KCTD16: variants seen among roughly 807,000 people sequenced by gnomAD.
KCTD16 encodes potassium channel tetramerization domain containing 16, also known as BTB/POZ domain-containing protein KCTD16.
A neutral mutation model predicts 33.2 loss-of-function variants in KCTD16; 13 were observed. That is an observed-to-expected ratio of 0.39 (90% confidence interval 0.25 to 0.62). The LOEUF is 0.62. KCTD16 is among the 20% of genes least tolerant of loss of function. The pLI, the probability that KCTD16 is intolerant of heterozygous loss-of-function variation, is 0.50. For synonymous variants in KCTD16, 197 were observed against 195.3 expected, an observed-to-expected ratio of 1.01 and a Z score of -0.07; for missense variants, 441 against 525.1, an observed-to-expected ratio of 0.84 and a Z score of 1.57.
chr5:144,450,450 A>G (rs1753916454), intron 3 of KCTD16, among the ~76,000 whole-genome samples: 1 of 152,110 alleles, frequency 6.6e-6, no homozygotes, highest in African/African-American at 2.4e-5. Flanking sequence ...TTCTGGGCAT[A>G]TATTCAAAAT....
rs1754716984 is a variant in KCTD16, at chr5:144,482,191, C to T, written c.*8077C>T. 2 of 151,966 alleles carry T rather than the reference C, an allele frequency of 1.3e-5. No homozygotes were observed. The highest frequency in any genetic ancestry group is 6.6e-5 in the Admixed American group (1 of 15,226). 9.4% of individuals were successfully genotyped at this position (151,966 alleles called of 1,614,324 possible). On this transcript the variant is annotated 3_prime_UTR_variant, in exon 4 of 4. Coordinates refer to ENST00000512467, the MANE Select transcript of KCTD16 (RefSeq NM_020768.4). ...ATGCTAAACAAGGTGAGATCCCAGC[C>T]TGACATCCTTCCTAAAAGTCATCAG... is the stretch of plus-strand genomic sequence containing the variant.
intron 3 of KCTD16, among the ~76,000 whole-genome samples, chr5:144,299,090 C>A (rs1331536011): frequency 8.9e-4 from 17 of 19,116 alleles, no homozygotes; most frequent in South Asian, 1.3e-3. Flanking sequence ...ATATATATAT[C>A]ACTATGTATA....
chr5:144,205,430 G>A (rs568513529), intron 2 of KCTD16: 9 of 398,308 alleles, frequency 2.3e-5, no homozygotes, highest in African/African-American at 1.4e-4. Context: ...ACCCAGCTCC[G>A]CCGCCAGAGA....
chr5:144,335,327 C>A lies in KCTD16; in HGVS notation c.832+127781C>A, dbSNP rs73295880. On this transcript the variant is annotated intron_variant, in intron 3 of 3. Coordinates refer to ENST00000512467, the MANE Select transcript of KCTD16 (RefSeq NM_020768.4). The stretch of plus-strand genomic sequence containing the variant: ...AAAGACTCTTTAGAAAAATGTGACC[C>A]ACACCCAAAGAAAATAAATAGCTTA... Among the ~76,000 whole-genome samples, 443 of 152,250 alleles carry A rather than the reference C, an allele frequency of 2.9e-3. 1 individual carries two copies. The highest frequency in any genetic ancestry group is 0.01 in the African/African-American group (427 of 41,524).
chr5:144,407,109 TAGG>T (rs1443859848), intron 3 of KCTD16, among the ~76,000 whole-genome samples: 3 of 151,884 alleles, frequency 2.0e-5, no homozygotes, highest in Admixed American at 6.6e-5. Flanking sequence ...ATGCCTTTGA[TAGG>T]AGGGATGTGG....
chr5:144,259,253 A>G (rs34617129), intron 3 of KCTD16, among the ~76,000 whole-genome samples: 30,313 of 120,414 alleles, frequency 0.25, 3,963 homozygotes, highest in Non-Finnish European at 0.28. Context: ...GCGAGACTCC[A>G]TCTCAAAAAA....
chr5:144,444,108 G>A (rs138331467), intron 3 of KCTD16, among the ~76,000 whole-genome samples: 88 of 152,022 alleles, frequency 5.8e-4, no homozygotes, highest in African/African-American at 1.9e-3. Context: ...AACAATATTC[G>A]TGCTAGGCAT....
intron 3 of KCTD16, among the ~76,000 whole-genome samples, chr5:144,249,224 G>T (rs1167079674): frequency 6.6e-6 from 1 of 152,080 alleles, no homozygotes; most frequent in South Asian, 2.1e-4. Flanking sequence ...TGCAGTTCGT[G>T]TTCTCCGTTT....
chr5:144,201,583 A>G (rs1410072376), intron 2 of KCTD16, among the ~76,000 whole-genome samples: 3 of 152,206 alleles, frequency 2.0e-5, no homozygotes, highest in African/African-American at 4.8e-5. Flanking sequence ...GAGAGCTCAC[A>G]TGCATCTTCA....
chr5:144,305,496 C>A (rs1751578059), intron 3 of KCTD16, among the ~76,000 whole-genome samples: 1 of 152,104 alleles, frequency 6.6e-6, no homozygotes, highest in African/African-American at 2.4e-5. Context: ...GAGGCATATG[C>A]ACTAGGAAAA....
At chr5:144,265,049 C>G (rs1214178628) in intron 3 of KCTD16, among the ~76,000 whole-genome samples, 1 of 152,132 alleles carries the variant, frequency 6.6e-6, no homozygotes, top group East Asian at 1.9e-4. Context: ...TCTTAACTCT[C>G]TACTATAGAA....
chr5:144,328,050 A>G (rs1752256656), intron 3 of KCTD16, among the ~76,000 whole-genome samples: 1 of 152,184 alleles, frequency 6.6e-6, no homozygotes, highest in South Asian at 2.1e-4. Context: ...CACACTATGT[A>G]TAAAAATTGG....
At chr5:144,207,588 G>A (rs755650064) in intron 3 of KCTD16, 42 bp downstream of exon 3, 4 of 1,385,478 alleles carry the variant, frequency 2.9e-6, no homozygotes, top group Non-Finnish European at 4.0e-6. Context: ...GTGTGTCAAT[G>A]CTCTTCACAA....
At chr5:144,205,074 G>A (rs949655047) in intron 2 of KCTD16, among the ~76,000 whole-genome samples, 6 of 152,126 alleles carry the variant, frequency 3.9e-5, no homozygotes, top group Middle Eastern at 3.2e-3. Flanking sequence ...CTCTTGGGTA[G>A]GGGGCAGGGA....
At chr5:144,201,896 A>G (rs1202241337) in intron 2 of KCTD16, among the ~76,000 whole-genome samples, 1 of 152,240 alleles carries the variant, frequency 6.6e-6, no homozygotes, top group Non-Finnish European at 1.5e-5. Flanking sequence ...CATGAAAGCT[A>G]TCTCTGCTTG....
At chr5:144,470,279 C>T (rs1754440008) in intron 3 of KCTD16, among the ~76,000 whole-genome samples, 1 of 152,180 alleles carries the variant, frequency 6.6e-6, no homozygotes, top group Non-Finnish European at 1.5e-5. Context: ...CTGGAGCTTA[C>T]ATGTGTCATT....
chr5:144,453,749 T>G (rs1753999262), intron 3 of KCTD16, among the ~76,000 whole-genome samples: 1 of 151,902 alleles, frequency 6.6e-6, no homozygotes, highest in Admixed American at 6.6e-5. Flanking sequence ...GAAAGAAGTA[T>G]TTTTTTTGAC....
At chr5:144,245,169 A>C (rs1208217380) in intron 3 of KCTD16, among the ~76,000 whole-genome samples, 1 of 152,224 alleles carries the variant, frequency 6.6e-6, no homozygotes, top group Non-Finnish European at 1.5e-5. Flanking sequence ...AGGATTAGGG[A>C]GAAAATACAC....
At chr5:144,260,553 C>G (rs1385188449) in intron 3 of KCTD16, among the ~76,000 whole-genome samples, 2 of 152,124 alleles carry the variant, frequency 1.3e-5, no homozygotes, top group African/African-American at 4.8e-5. Flanking sequence ...CACAGTAAGG[C>G]AAATAAATCC....
Sources: gnomAD v4.1 joint callset for allele counts (sites outside exome capture counted in the v4.1 genomes callset) on GRCh38, gnomAD v4.1.1 for gene constraint, MANE v1.5 for transcripts, NCBI Gene and HGNC (gene_info 2026-07-23, HGNC 2026-07-21) for gene names.